The following NTNG1 variants were observed in gnomAD, a reference collection of about 807,000 sequenced individuals.
NTNG1 encodes the protein netrin-G1.
Under a neutral mutation model 54.0 loss-of-function variants are expected in NTNG1, and 16 were observed. The ratio of observed to expected loss-of-function variants is 0.30; its 90% confidence interval spans 0.20 to 0.45. The LOEUF (loss-of-function observed/expected upper bound fraction) is 0.45, where lower values mean the gene tolerates loss of function less well. Among genes scored for constraint, NTNG1 ranks in the 20% least tolerant of loss-of-function variants. The probability of loss-of-function intolerance (pLI) is 1.00; values close to 1 mark genes in which losing one functional copy is unlikely to be tolerated. For missense variants in NTNG1, 530 were observed against 678.7 expected (o/e 0.78, Z 2.43); for synonymous variants, 255 against 263.1 (o/e 0.97, Z 0.30).
chr1:107,296,232 T>A (rs1163529310), intron 2 of NTNG1, among the ~76,000 whole-genome samples: 2 of 152,150 alleles, frequency 1.3e-5, no homozygotes, highest in Non-Finnish European at 2.9e-5. Context: ...CTTCAATTAA[T>A]TCTCCACCTG....
At chr1:107,424,514 A>T (rs11806765) in intron 5 of NTNG1, among the ~76,000 whole-genome samples, 22,372 of 152,168 alleles carry the variant, frequency 0.15, 1,738 homozygotes, top group Middle Eastern at 0.24. Flanking sequence ...AGATGACATT[A>T]TCACAAGGGT....
intron 2 of NTNG1, among the ~76,000 whole-genome samples, chr1:107,300,919 G>A (rs1666276632): frequency 6.6e-6 from 1 of 152,102 alleles, no homozygotes; most frequent in South Asian, 2.1e-4. Context: ...AATTTTAAGG[G>A]CTGTGGAGAA....
chr1:107,279,481 G>T (rs1341890670), intron 2 of NTNG1, among the ~76,000 whole-genome samples: 1 of 152,116 alleles, frequency 6.6e-6, no homozygotes, highest in Non-Finnish European at 1.5e-5. Context: ...AGCCAACTGG[G>T]CATTCCTGTG....
At chr1:107,244,591 G>T (rs150388805) in intron 2 of NTNG1, among the ~76,000 whole-genome samples, 1 of 152,090 alleles carries the variant, frequency 6.6e-6, no homozygotes, top group Non-Finnish European at 1.5e-5. Flanking sequence ...GGAATAAATG[G>T]TCCATTATTT....
At chr1:107,466,755 T>C (rs1268984551) in intron 7 of NTNG1, among the ~76,000 whole-genome samples, 2 of 152,210 alleles carry the variant, frequency 1.3e-5, no homozygotes, top group African/African-American at 4.8e-5. Context: ...TTTTTCTCTC[T>C]GCTGCTGGAT....
intron 7 of NTNG1, among the ~76,000 whole-genome samples, chr1:107,461,157 C>G (rs1441453544): frequency 1.3e-5 from 2 of 152,220 alleles, no homozygotes; most frequent in Non-Finnish European, 2.9e-5. Context: ...TACATAGACC[C>G]TGCTCTCAAG....
At chr1:107,292,072 T>C (rs1354877379) in intron 2 of NTNG1, among the ~76,000 whole-genome samples, 4 of 152,120 alleles carry the variant, frequency 2.6e-5, no homozygotes, top group African/African-American at 9.7e-5. Flanking sequence ...ATAAAAAAAC[T>C]GTTCCACTAC....
At chr1:107,260,380 A>T (rs1663232220) in intron 2 of NTNG1, among the ~76,000 whole-genome samples, 1 of 152,166 alleles carries the variant, frequency 6.6e-6, no homozygotes, top group South Asian at 2.1e-4. Context: ...ACAGAAACAA[A>T]ATGTAGGGAC....
chr1:107,286,536 A>G (rs1158358272), intron 2 of NTNG1, among the ~76,000 whole-genome samples: 3 of 152,136 alleles, frequency 2.0e-5, no homozygotes, highest in African/African-American at 7.2e-5. Flanking sequence ...TGCAATTTAT[A>G]TCCGATTTTC....
In NTNG1 at chr1:107,430,858, G is replaced by C; in HGVS notation, c.1196G>C (p.Cys399Ser). The C allele has an allele frequency of 6.2e-7, 1 of 1,613,294 alleles. No individual in the cohort carries two copies. The highest frequency in any genetic ancestry group is 2.2e-5 in the East Asian group (1 of 44,762). ...HNTRGQHCEL[C>S]RLGYFRNASA... ...ACTAGAGGGCAGCACTGTGAGTTAT[G>C]CAGGCTGGGCTACTTCAGAAATGCT... The change falls in exon 6 of 8, where the codon TGC becomes TCC. Residue 399 changes from cysteine to serine, a missense_variant. Coordinates refer to ENST00000370068, the MANE Select transcript of NTNG1 (RefSeq NM_001113226.3).
chr1:107,260,398 T>A (rs1663233834), intron 2 of NTNG1, among the ~76,000 whole-genome samples: 1 of 152,160 alleles, frequency 6.6e-6, no homozygotes, highest in Non-Finnish European at 1.5e-5. Context: ...GACAATGGGA[T>A]CCCCATTTCA....
rs187295365 is a variant in NTNG1 at position 107,216,494 on chromosome 1, G to A, written c.246+67655G>A. Among the ~76,000 whole-genome samples, 155 of 152,236 alleles carry A rather than the reference G, an allele frequency of 1.0e-3. No homozygotes were observed. In the Middle Eastern group the frequency reaches 0.014, roughly 13 times the overall value. ...AACCATCCTTGCATCTCTGGAATGA[G>A]ACCCACTTGATCATGATGGATTATC... On this transcript the variant is annotated intron_variant, in intron 2 of 7. Coordinates refer to ENST00000370068, the MANE Select transcript of NTNG1 (RefSeq NM_001113226.3).
intron 2 of NTNG1, among the ~76,000 whole-genome samples, chr1:107,293,740 A>G (rs904341381): frequency 5.9e-5 from 9 of 152,192 alleles, no homozygotes; most frequent in Non-Finnish European, 1.3e-4. Context: ...TAAAGTACTT[A>G]CCAGAGGCAC....
At chr1:107,268,567 T>C (rs889421794) in intron 2 of NTNG1, among the ~76,000 whole-genome samples, 1 of 152,032 alleles carries the variant, frequency 6.6e-6, no homozygotes, top group Non-Finnish European at 1.5e-5. Context: ...TCCTCTTCTC[T>C]ATCTGTACTT....
intron 7 of NTNG1, among the ~76,000 whole-genome samples, chr1:107,459,918 A>G (rs564725698): frequency 6.6e-6 from 1 of 152,324 alleles, no homozygotes; most frequent in East Asian, 1.9e-4. Flanking sequence ...AGTATCCCTC[A>G]ACTTTCCAAC....
At chr1:107,448,460 G>A (rs1191071110) in intron 7 of NTNG1, among the ~76,000 whole-genome samples, 1 of 151,998 alleles carries the variant, frequency 6.6e-6, no homozygotes, top group East Asian at 1.9e-4. Context: ...CCCTCAATGG[G>A]TATGATCAGC....
At chr1:107,257,418 C>T (rs376116594) in intron 2 of NTNG1, among the ~76,000 whole-genome samples, 1 of 152,068 alleles carries the variant, frequency 6.6e-6, no homozygotes, top group Non-Finnish European at 1.5e-5. Context: ...AAAAAGAATG[C>T]CTTTCATCTC....
At chr1:107,472,813 T>C (rs1678070479) in intron 7 of NTNG1, among the ~76,000 whole-genome samples, 1 of 152,198 alleles carries the variant, frequency 6.6e-6, no homozygotes. Flanking sequence ...CAAAAAGTGA[T>C]TAGATAACAA....
intron 2 of NTNG1, among the ~76,000 whole-genome samples, chr1:107,154,397 G>A (rs1042528771): frequency 6.6e-6 from 1 of 151,682 alleles, no homozygotes; most frequent in African/African-American, 2.4e-5. Flanking sequence ...TTGAGCCTAG[G>A]AGTTCAAGAC....
Sources: gnomAD v4.1 joint callset for allele counts (sites outside exome capture counted in the v4.1 genomes callset) on GRCh38, gnomAD v4.1.1 for gene constraint, MANE v1.5 for transcripts, NCBI Gene and HGNC (gene_info 2026-07-23, HGNC 2026-07-21) for gene names.